Variants in MAD1L1 observed in about 807,000 individuals in gnomAD.
MAD1L1 encodes mitotic arrest deficient 1 like 1, also known as mitotic spindle assembly checkpoint protein MAD1.
In MAD1L1, 95 loss-of-function variants were observed where a neutral mutation model predicts 96.9. That is an observed-to-expected ratio of 0.98 (90% CI 0.83 to 1.16). The LOEUF (loss-of-function observed/expected upper bound fraction) is 1.16. MAD1L1 is among the 50% of genes most tolerant of loss of function. The pLI is 0.00. For missense variants in MAD1L1, 1,007 were observed against 954.4 expected (o/e 1.06, Z -0.73); for synonymous variants, 473 against 396.6 (o/e 1.19, Z -2.29).
chr7:2,232,906 CG>C lies in MAD1L1; in HGVS notation c.-225del, dbSNP rs1432375966. The C allele has an allele frequency of 6.6e-6, 1 of 152,288 alleles. No homozygotes were observed. Among genetic ancestry groups the C allele is most frequent in the Non-Finnish European group, 1.5e-5 (1 of 68,094 alleles). The allele number at this position is 152,288 out of a possible 1,614,324, so 9.4% of individuals were successfully genotyped here. A position where few individuals can be genotyped will look rare whatever the true frequency, so the allele number is the denominator to read the frequency against. ...TCGCAGCCAGCTTGCCGCCGCCGCT[CG>C]GATCTCCCTCCGCTCCGCCGGCGCC... On this transcript the variant is annotated 5_prime_UTR_variant, in exon 1 of 19. The change abolishes the stop of an existing upstream ORF in the 5' untranslated region. Transcript: ENST00000265854.
At chr7:2,091,664 T>C (rs1206260165) in intron 11 of MAD1L1, among the ~76,000 whole-genome samples, 1 of 151,740 alleles carries the variant, frequency 6.6e-6, no homozygotes, top group African/African-American at 2.4e-5. Flanking sequence ...TAGTCCCAGC[T>C]ACTCTGGAGG....
intron 18 of MAD1L1, among the ~76,000 whole-genome samples, chr7:1,887,413 G>GTA (rs1340839340): frequency 2.0e-5 from 3 of 146,466 alleles, no homozygotes; most frequent in African/African-American, 5.4e-5. Context: ...GCCTGTGCAT[G>GTA]TGTGTGTGTG....
intron 11 of MAD1L1, among the ~76,000 whole-genome samples, chr7:2,137,191 G>A (rs1788794677): frequency 6.6e-6 from 1 of 152,208 alleles, no homozygotes. Flanking sequence ...ACCCCAGCAA[G>A]GGCCCTTCTC....
chr7:2,057,778 A>G (rs531022221), intron 12 of MAD1L1, among the ~76,000 whole-genome samples: 1 of 152,370 alleles, frequency 6.6e-6, no homozygotes, highest in South Asian at 2.1e-4. Context: ...GACTCTTAGA[A>G]AAGCACAAGT....
intron 11 of MAD1L1, among the ~76,000 whole-genome samples, chr7:2,127,376 G>A (rs993610999): frequency 6.6e-6 from 1 of 152,222 alleles, no homozygotes; most frequent in Non-Finnish European, 1.5e-5. Context: ...AAGGGGCAAG[G>A]AGAGGGCAGC....
At chr7:2,087,990 C>G (rs986176587) in intron 11 of MAD1L1, among the ~76,000 whole-genome samples, 1 of 152,214 alleles carries the variant, frequency 6.6e-6, no homozygotes, top group African/African-American at 2.4e-5. Context: ...GCTGCCACTT[C>G]CCCTCTCACA....
chr7:2,226,664 C>T (rs896458338), intron 3 of MAD1L1, among the ~76,000 whole-genome samples: 1 of 152,172 alleles, frequency 6.6e-6, no homozygotes, highest in East Asian at 1.9e-4. Flanking sequence ...AATGCAGAGT[C>T]GCAGACTACA....
At position 2,181,712 on chromosome 7, in the gene MAD1L1, C is replaced by CA. The variant is rs1791206966; in HGVS notation, c.986+31499dup. 3.3e-5 allele frequency among the ~76,000 whole-genome samples: 5 copies of CA among 152,310 alleles called. No individual in the cohort carries two copies. The South Asian group carries it at 6.2e-4, about 19-fold the overall frequency. On this transcript the variant is annotated intron_variant, in intron 10 of 18. Transcript: ENST00000265854. ...AAAAGAAGTCATTCTACGAAAAAGA[C>CA]ACGTGCACACGCATGTTCACAGCAG...
chr7:2,126,557 G>A (rs1272003156), intron 11 of MAD1L1, among the ~76,000 whole-genome samples: 1 of 152,118 alleles, frequency 6.6e-6, no homozygotes, highest in African/African-American at 2.4e-5. Context: ...TGCACCATAT[G>A]GCCACTAAGA....
At chr7:1,925,770 A>G (rs10248927) in intron 17 of MAD1L1, among the ~76,000 whole-genome samples, 13,391 of 152,280 alleles carry the variant, frequency 0.088, 1,928 homozygotes, top group African/African-American at 0.3. Context: ...AATGTGTGAA[A>G]TGCTGCTAAT....
At chr7:1,886,978 C>A (rs981699523) in intron 18 of MAD1L1, among the ~76,000 whole-genome samples, 1 of 152,280 alleles carries the variant, frequency 6.6e-6, no homozygotes, top group Admixed American at 6.5e-5. Context: ...GGCTTCAGGG[C>A]TGTCAGTGAC....
At position 2,154,174 on chromosome 7, in the gene MAD1L1, G is replaced by C. The variant is rs930839809; in HGVS notation, c.987-4936C>G. Among the ~76,000 whole-genome samples, 18 of 152,110 alleles carry C rather than the reference G, an allele frequency of 1.2e-4. No homozygotes were observed. The South Asian group carries it at 3.3e-3, about 28-fold the overall frequency. ...CATCTCAAAAAAAAAGAAAGAATGA[G>C]AGCCTGTCATTTGTAACAACGTGGC... is the stretch of plus-strand genomic sequence containing the variant. On this transcript the variant is annotated intron_variant, in intron 10 of 18. Coordinates refer to ENST00000265854, the MANE Select transcript of MAD1L1 (RefSeq NM_001013836.2).
chr7:1,919,647 G>T (rs1788650615), intron 17 of MAD1L1, among the ~76,000 whole-genome samples: 1 of 152,226 alleles, frequency 6.6e-6, no homozygotes, highest in Non-Finnish European at 1.5e-5. Context: ...CACATCATGG[G>T]CCAGCGGTGC....
At chr7:2,139,993 C>T (rs1211493197) in intron 11 of MAD1L1, among the ~76,000 whole-genome samples, 4 of 150,262 alleles carry the variant, frequency 2.7e-5, no homozygotes, top group African/African-American at 9.9e-5. Context: ...TGGACCCCGC[C>T]CCCCCCCAGT....
At chr7:1,877,515 A>G (rs1359528237) in intron 18 of MAD1L1, among the ~76,000 whole-genome samples, 1 of 151,960 alleles carries the variant, frequency 6.6e-6, no homozygotes, top group Non-Finnish European at 1.5e-5. Context: ...ATACGAGACA[A>G]AAAGAAAACA....
intron 11 of MAD1L1, among the ~76,000 whole-genome samples, chr7:2,087,849 C>G (rs578255596): frequency 6.6e-6 from 1 of 152,186 alleles, no homozygotes; most frequent in South Asian, 2.1e-4. Context: ...TCATGGAACA[C>G]CGTAGGCGCC....
At chr7:2,144,848 A>T (rs1464066156) in intron 11 of MAD1L1, among the ~76,000 whole-genome samples, 1 of 152,136 alleles carries the variant, frequency 6.6e-6, no homozygotes, top group Non-Finnish European at 1.5e-5. Context: ...GCTTGAGCGT[A>T]AACCAGGCCA....
chr7:2,121,017 T>C (rs1787951780), intron 11 of MAD1L1, among the ~76,000 whole-genome samples: 2 of 152,070 alleles, frequency 1.3e-5, no homozygotes, highest in South Asian at 2.1e-4. Flanking sequence ...TCGAGGGAGA[T>C]GGGCCCAAGT....
intron 10 of MAD1L1, among the ~76,000 whole-genome samples, chr7:2,164,593 TGG>T (rs11335779): frequency 0.068 from 5,419 of 79,194 alleles, 220 homozygotes; most frequent in African/African-American, 0.15. Context: ...GCAGGAAAAA[TGG>T]GGGGGGGGGG....
Sources: gnomAD v4.1 joint callset for allele counts (sites outside exome capture counted in the v4.1 genomes callset) on GRCh38, gnomAD v4.1.1 for gene constraint, MANE v1.5 for transcripts, NCBI Gene and HGNC (gene_info 2026-07-23, HGNC 2026-07-21) for gene names.